TRERF1: variants seen among roughly 807,000 people sequenced by gnomAD.
TRERF1 encodes transcriptional-regulating factor 1.
In TRERF1, 27 loss-of-function variants were observed where a neutral mutation model predicts 122.9. That is an observed-to-expected ratio of 0.22 (90% CI 0.16 to 0.30). TRERF1 has a LOEUF of 0.30. Among genes scored for constraint, TRERF1 ranks in the 10% least tolerant of loss-of-function variants. The probability of loss-of-function intolerance (pLI) is 1.00; values close to 1 mark genes in which losing one functional copy is unlikely to be tolerated. For synonymous variants in TRERF1, 636 were observed against 641.7 expected (o/e 0.99, Z 0.13); for missense variants, 1,248 against 1,560.3 (o/e 0.80, Z 3.37).
chr6:42,233,079 G>A (rs1054336726), intron 16 of TRERF1, among the ~76,000 whole-genome samples, 151 bp from the exon 17 acceptor site: 3 of 152,098 alleles, frequency 2.0e-5, no homozygotes, highest in Admixed American at 2.0e-4. Flanking sequence ...CAGATCCTGT[G>A]CCAATCAAAA....
intron 3 of TRERF1, among the ~76,000 whole-genome samples, chr6:42,358,783 C>CTTTTT (rs397886998): frequency 1.6e-5 from 2 of 125,148 alleles, no homozygotes; most frequent in Admixed American, 8.2e-5. Flanking sequence ...TGACCTAAAG[C>CTTTTT]TTTTTTTTTT....
At chr6:42,420,524 T>C (rs189955383) in intron 2 of TRERF1, among the ~76,000 whole-genome samples, 1 of 152,374 alleles carries the variant, frequency 6.6e-6, no homozygotes, top group Non-Finnish European at 1.5e-5. Context: ...TGCGGTATTT[T>C]ATTTTTAATG....
chr6:42,232,348 A>G lies in TRERF1; in HGVS notation c.3278+333T>C, dbSNP rs1368169923. Reference sequence around the variant, plus strand: ...TTCTCAAATCATTCAGCGGGGATCCAAACAGAGTAATGCTAGTGAACATAG... The same window carrying G: ...TTCTCAAATCATTCAGCGGGGATCCGAACAGAGTAATGCTAGTGAACATAG... On this transcript the variant is annotated intron_variant, in intron 17 of 17. Coordinates refer to ENST00000372922, the Ensembl canonical transcript of TRERF1. The surrounding 1 kb of genome is among the most constrained non-coding windows in gnomAD (Gnocchi z 4.5). 2.6e-5 allele frequency among the ~76,000 whole-genome samples: 4 copies of G among 152,220 alleles called. No homozygotes were observed. Among genetic ancestry groups the G allele is most frequent in the Non-Finnish European group, 4.4e-5 (3 of 68,042 alleles).
intron 12 of TRERF1, among the ~76,000 whole-genome samples, chr6:42,255,498 T>C (rs1359553609): frequency 6.6e-6 from 1 of 152,210 alleles, no homozygotes; most frequent in Non-Finnish European, 1.5e-5. Flanking sequence ...ACTCTAAGTG[T>C]GGTCCATAGA....
rs1463050777 is a variant in TRERF1 at position 42,262,526 on chromosome 6, A to C, written c.1884+794T>G. Among the ~76,000 whole-genome samples the C allele has an allele frequency of 2.8e-3, 140 of 49,792 alleles. 20 individuals carry two copies. The highest frequency in any genetic ancestry group is 0.014 in the South Asian group (12 of 878). The allele number at this position is 49,792 out of a possible 152,430, so 32.7% of individuals were successfully genotyped here. On this transcript the variant is annotated intron_variant, in intron 8 of 17. Transcript: ENST00000372922. ...GAGAGAGAGAGAGAGAGAGAGAGAG[A>C]GAGAGAGAGAGAGAGAGAGAGAGAG... is the stretch of plus-strand genomic sequence containing the variant.
intron 2 of TRERF1, among the ~76,000 whole-genome samples, chr6:42,446,801 A>G (rs1389066498): frequency 1.3e-5 from 2 of 152,144 alleles, no homozygotes; most frequent in Non-Finnish European, 2.9e-5. Flanking sequence ...CTAGGAGTTC[A>G]AGACCAGCCT....
In TRERF1 at chr6:42,269,805, G is replaced by T; in HGVS notation, c.-215C>A. ...GGTTTCACATCCTCTCCCTGGCTGA[G>T]GTATAGACCACACAGCACTGTGGTG... On this transcript the variant is annotated 5_prime_UTR_variant, in exon 5 of 18. Transcript: ENST00000372922. The surrounding 1 kb of genome is among the most constrained non-coding windows in gnomAD (Gnocchi z 4.9). 1 of 1,360,534 alleles carries T rather than the reference G, an allele frequency of 7.4e-7. No homozygotes were observed. Among genetic ancestry groups the T allele is most frequent in the South Asian group, 1.6e-5 (1 of 64,470 alleles). 84.3% of individuals were successfully genotyped at this position (1,360,534 alleles called of 1,614,324 possible). A position where few individuals can be genotyped will look rare whatever the true frequency, so the allele number is the denominator to read the frequency against.
At chr6:42,279,961 T>G (rs1170631604) in intron 4 of TRERF1, among the ~76,000 whole-genome samples, 3 of 152,130 alleles carry the variant, frequency 2.0e-5, no homozygotes, top group Non-Finnish European at 4.4e-5. Context: ...AAAGTCAGTA[T>G]GTAAAATAAC....
intron 17 of TRERF1, among the ~76,000 whole-genome samples, chr6:42,230,408 T>C (rs1039666682): frequency 1.3e-5 from 2 of 151,326 alleles, no homozygotes; most frequent in South Asian, 4.2e-4. Context: ...CTGGGAAACA[T>C]GAAATACTGA....
At chr6:42,240,257 A>C (rs1773376020) in intron 15 of TRERF1, among the ~76,000 whole-genome samples, 1 of 152,226 alleles carries the variant, frequency 6.6e-6, no homozygotes, top group Non-Finnish European at 1.5e-5. Context: ...ACAAACATTT[A>C]TTGAGTGACT....
chr6:42,321,171 A>C (rs1228182757), intron 3 of TRERF1, among the ~76,000 whole-genome samples: 1 of 150,590 alleles, frequency 6.6e-6, no homozygotes, highest in African/African-American at 2.5e-5. Context: ...AAAAAAAGGC[A>C]TTTTCTTCTC....
intron 4 of TRERF1, among the ~76,000 whole-genome samples, chr6:42,279,740 C>T (rs569255859): frequency 7.9e-5 from 12 of 152,250 alleles, no homozygotes; most frequent in African/African-American, 2.9e-4. Flanking sequence ...TGGCACCAGA[C>T]CCACAGACTC....
At chr6:42,296,512 G>A (rs1785137619) in intron 4 of TRERF1, among the ~76,000 whole-genome samples, 1 of 152,132 alleles carries the variant, frequency 6.6e-6, no homozygotes, top group African/African-American at 2.4e-5. Context: ...TCCTTGAATA[G>A]CTCTATCCAC....
chr6:42,313,467 A>G, intron 3 of TRERF1, among the ~76,000 whole-genome samples: 1 of 152,068 alleles, frequency 6.6e-6, no homozygotes, highest in East Asian at 1.9e-4. Flanking sequence ...CGATTACATA[A>G]GCTGGAAAAG....
chr6:42,433,489 A>G (rs1480564430), intron 2 of TRERF1, among the ~76,000 whole-genome samples: 1 of 152,106 alleles, frequency 6.6e-6, no homozygotes, highest in Non-Finnish European at 1.5e-5. Flanking sequence ...TGGCAAGCAG[A>G]TGAAACTCTG....
chr6:42,417,118 C>T (rs561328294), intron 2 of TRERF1, among the ~76,000 whole-genome samples: 52 of 152,196 alleles, frequency 3.4e-4, no homozygotes, highest in Non-Finnish European at 5.4e-4. Context: ...AAAAAGAGGA[C>T]AGACAGGTTT....
chr6:42,413,244 T>A (rs1035067566), intron 2 of TRERF1, among the ~76,000 whole-genome samples: 1 of 152,178 alleles, frequency 6.6e-6, no homozygotes, highest in African/African-American at 2.4e-5. Context: ...GTTGGTGTAT[T>A]CGTTCAATAC....
chr6:42,404,741 T>G (rs1779927984), intron 2 of TRERF1, among the ~76,000 whole-genome samples: 2 of 152,126 alleles, frequency 1.3e-5, no homozygotes, highest in Non-Finnish European at 2.9e-5. Flanking sequence ...CTATCAGAGC[T>G]AAGCAAGTGC....
At chr6:42,446,455 A>T (rs904875901) in intron 2 of TRERF1, among the ~76,000 whole-genome samples, 4 of 152,090 alleles carry the variant, frequency 2.6e-5, no homozygotes, top group Non-Finnish European at 5.9e-5. Context: ...AATGAAATCC[A>T]TCCAAGTCAC....
Sources: allele counts gnomAD v4.1 joint callset (sites outside exome capture counted in the v4.1 genomes callset), GRCh38; gene constraint gnomAD v4.1.1; non-coding constraint Gnocchi (gnomAD v3.1); transcripts MANE v1.5; gene names NCBI Gene and HGNC (gene_info 2026-07-23, HGNC 2026-07-21).